The following RPS6KA2 variants were observed in gnomAD, a reference collection of about 807,000 sequenced individuals.
RPS6KA2 encodes ribosomal protein S6 kinase alpha-2.
RPS6KA2 carries 42 observed loss-of-function variants against 91.8 expected under a neutral mutation model. The ratio of observed to expected loss-of-function variants is 0.46; its 90% CI spans 0.36 to 0.59. The LOEUF is 0.59. Among genes scored for constraint, RPS6KA2 ranks in the 20% least tolerant of loss-of-function variants. The pLI, the probability that RPS6KA2 is intolerant of heterozygous loss-of-function variation, is 0.00. For missense variants in RPS6KA2, 798 were observed against 978.5 expected (o/e 0.82, Z 2.46); for synonymous variants, 414 against 393.6 (o/e 1.05, Z -0.61).
chr6:166,430,743 A>G, intron 15 of RPS6KA2, 132 bp from the exon 16 acceptor site: 1 of 856,906 alleles, frequency 1.2e-6, no homozygotes, highest in Non-Finnish European at 1.7e-6. Flanking sequence ...GAGTGCAAAC[A>G]AGGCTTCTGC....
intron 2 of RPS6KA2, among the ~76,000 whole-genome samples, chr6:166,751,179 T>G (rs1791271175): frequency 6.6e-6 from 1 of 152,188 alleles, no homozygotes; most frequent in Non-Finnish European, 1.5e-5. Context: ...GCCGGAAGTT[T>G]TGCCAGCCCC....
chr6:166,426,468 G>GA lies in RPS6KA2; in HGVS notation c.1582-3052dup, dbSNP rs1213180967. 4.3e-3 allele frequency among the ~76,000 whole-genome samples: 371 copies of GA among 87,248 alleles called. 2 individuals are homozygous for GA. The highest frequency in any genetic ancestry group is 0.016 in the African/African-American group (340 of 21,126). The allele number at this position is 87,248 out of a possible 152,430, so 57.2% of individuals were successfully genotyped here. A position where few individuals can be genotyped will look rare whatever the true frequency, so the allele number is the denominator to read the frequency against. ...AACTAAAATCAGAGCAGAACTGAAG[G>GA]AATAGAGACACAAAAAGCCCTTCAA... On this transcript the variant is annotated intron_variant, in intron 16 of 20. Coordinates refer to ENST00000265678, the MANE Select transcript of RPS6KA2 (RefSeq NM_021135.6).
intron 2 of RPS6KA2, among the ~76,000 whole-genome samples, chr6:166,668,286 T>C (rs958819954): frequency 3.9e-5 from 6 of 152,114 alleles, no homozygotes; most frequent in Non-Finnish European, 1.5e-5. Flanking sequence ...TTCCTTCCCT[T>C]GTGTGGGGCC....
chr6:166,423,202 A>T lies in RPS6KA2; in HGVS notation c.1743+54T>A, dbSNP rs1249175291. The stretch of plus-strand genomic sequence containing the variant: ...CGGTGGCTCTGCAGTGGGAGGGGGC[A>T]GAGCCTGTCTTTGCGGATAGAGAGG... On this transcript the variant is annotated intron_variant, in intron 17 of 20. Transcript: ENST00000265678. This position sits in a 1 kb window ranked among gnomAD's most constrained non-coding sequence, Gnocchi z 4.8. The T allele has an allele frequency of 2.6e-6, 4 of 1,550,920 alleles. No individual in the cohort carries two copies. The African/African-American group carries it at 5.4e-5, about 21-fold the overall frequency.
At chr6:166,738,519 C>T (rs189537700) in intron 2 of RPS6KA2, among the ~76,000 whole-genome samples, 55 of 152,348 alleles carry the variant, frequency 3.6e-4, no homozygotes, top group African/African-American at 1.2e-3. Context: ...CCCCAGCTGA[C>T]ACTCACAAGG....
chr6:166,636,839 G>A (rs1388653610), intron 2 of RPS6KA2, among the ~76,000 whole-genome samples: 11 of 152,182 alleles, frequency 7.2e-5, no homozygotes, highest in Admixed American at 7.2e-4. Context: ...TGAAAGGAAA[G>A]TTTCTACCAA....
rs949844620 is a variant in RPS6KA2 at position 166,557,585 on chromosome 6, CTTTTGTGT to C, written c.100-18809_100-18802del. On this transcript the variant is annotated intron_variant, in intron 1 of 20. Transcript: ENST00000265678. The surrounding 1 kb of genome is among the most constrained non-coding windows in gnomAD (Gnocchi z 4.8). Reference sequence around the variant, plus strand: ...CTTTGTCAAATGACAGAAAAATCAGCTTTTGTGTTTTTGTGTCTGTTATTAAAAAATGT... The same window carrying C: ...CTTTGTCAAATGACAGAAAAATCAGCTTTTGTGTCTGTTATTAAAAAATGT... Among the ~76,000 whole-genome samples the C allele has an allele frequency of 9.0e-4, 137 of 152,242 alleles. No individual in the cohort carries two copies. Among genetic ancestry groups the C allele is most frequent in the African/African-American group, 3.0e-3 (126 of 41,530 alleles).
intron 12 of RPS6KA2, among the ~76,000 whole-genome samples, chr6:166,456,603 CTG>C (rs927274100): frequency 6.6e-6 from 1 of 152,218 alleles, no homozygotes; most frequent in African/African-American, 2.4e-5. Context: ...GAAAGCCTAA[CTG>C]TAAGAAATTC....
At chr6:166,856,762 G>T (rs1780913311) in intron 2 of RPS6KA2, among the ~76,000 whole-genome samples, 1 of 152,194 alleles carries the variant, frequency 6.6e-6, no homozygotes, top group Non-Finnish European at 1.5e-5. Context: ...TGCTGGGAAG[G>T]TACATCTTCC....
intron 2 of RPS6KA2, among the ~76,000 whole-genome samples, chr6:166,640,812 G>C (rs548449732): frequency 1.3e-4 from 20 of 149,814 alleles, no homozygotes; most frequent in Non-Finnish European, 2.5e-4. Context: ...GGCCAAGCAG[G>C]GTGTGGGGGG....
In RPS6KA2 at chr6:166,412,437, G is replaced by A. The variant is rs1416952999; in HGVS notation, c.*325C>T. On this transcript the variant is annotated 3_prime_UTR_variant, in exon 21 of 21. Transcript: ENST00000265678. The surrounding 1 kb of genome is among the most constrained non-coding windows in gnomAD (Gnocchi z 4.3). ...TTCATAATTGGAAAACAGATCTCTC[G>A]GCAGAAACAGAAGCCATGTATGAGA... 5.4e-6 allele frequency: 1 copy of A among 183,980 alleles called. No homozygotes were observed. The highest frequency in any genetic ancestry group is 2.3e-5 in the African/African-American group (1 of 42,762). The allele number at this position is 183,980 out of a possible 1,614,324, so 11.4% of individuals were successfully genotyped here.
At chr6:166,661,872 C>A (rs1199562988) in intron 2 of RPS6KA2, among the ~76,000 whole-genome samples, 1 of 152,158 alleles carries the variant, frequency 6.6e-6, no homozygotes, top group African/African-American at 2.4e-5. Context: ...TTCGAGTACA[C>A]TATGAAGGGA....
At chr6:166,820,068 C>T (rs1779866456) in intron 2 of RPS6KA2, among the ~76,000 whole-genome samples, 1 of 152,204 alleles carries the variant, frequency 6.6e-6, no homozygotes, top group African/African-American at 2.4e-5. Context: ...GTTTTCAGTG[C>T]ATTTTTCTGT....
chr6:166,611,779 G>A (rs1191439831), intron 1 of RPS6KA2, among the ~76,000 whole-genome samples: 3 of 152,134 alleles, frequency 2.0e-5, no homozygotes, highest in South Asian at 2.1e-4. Flanking sequence ...CTGCAAAACC[G>A]CAAGTCAGGA....
chr6:166,754,669 G>C (rs935749707), intron 2 of RPS6KA2, among the ~76,000 whole-genome samples: 2 of 152,114 alleles, frequency 1.3e-5, no homozygotes, highest in Non-Finnish European at 2.9e-5. Context: ...AGAAACCCTG[G>C]GGGAGCAGCC....
intron 1 of RPS6KA2, among the ~76,000 whole-genome samples, chr6:166,624,485 A>G (rs1786758429): frequency 6.6e-6 from 1 of 152,190 alleles, no homozygotes; most frequent in Non-Finnish European, 1.5e-5. Flanking sequence ...ACGAACAGGC[A>G]GCCTTCTCAA....
chr6:166,543,756 A>G (rs1360889954), intron 1 of RPS6KA2, among the ~76,000 whole-genome samples: 1 of 152,228 alleles, frequency 6.6e-6, no homozygotes, highest in Non-Finnish European at 1.5e-5. Context: ...AATCTCCAGC[A>G]GGGGCTGCTC....
chr6:166,573,955 C>T (rs1784765443), intron 1 of RPS6KA2, among the ~76,000 whole-genome samples: 1 of 152,112 alleles, frequency 6.6e-6, no homozygotes, highest in Non-Finnish European at 1.5e-5. Context: ...AAAGAGCAGC[C>T]ACGCAGGATC....
At chr6:166,714,322 G>A (rs1212974849) in intron 2 of RPS6KA2, among the ~76,000 whole-genome samples, 1 of 152,218 alleles carries the variant, frequency 6.6e-6, no homozygotes, top group African/African-American at 2.4e-5. Context: ...CTGAGCCCTG[G>A]TGCTCTTGTT....
Sources: allele counts gnomAD v4.1 joint callset (sites outside exome capture counted in the v4.1 genomes callset), GRCh38; gene constraint gnomAD v4.1.1; non-coding constraint Gnocchi (gnomAD v3.1); transcripts MANE v1.5; gene names NCBI Gene and HGNC (gene_info 2026-07-23, HGNC 2026-07-21).